Variants in POLG observed in about 807,000 individuals in gnomAD.
POLG encodes the protein DNA polymerase subunit gamma-1.
A neutral mutation model predicts 155.4 loss-of-function variants in POLG; 110 were observed. The observed-to-expected ratio is 0.71, with a 90% CI of 0.61 to 0.83. The LOEUF (loss-of-function observed/expected upper bound fraction) is 0.83, where lower values mean the gene tolerates loss of function less well. Ranked by LOEUF, POLG falls within the 40% of genes least tolerant of loss-of-function variation. POLG has a pLI of 0.00. For synonymous variants in POLG, 701 were observed against 631.5 expected, an observed-to-expected ratio of 1.11 and a Z score of -1.65; for missense variants, 1,685 against 1,627.5, an observed-to-expected ratio of 1.04 and a Z score of -0.61.
chr15:89,328,785 G>A lies in POLG; in HGVS notation c.1070C>T (p.Ala357Val), dbSNP rs749195383. The A allele has an allele frequency of 3.7e-6, 6 of 1,614,026 alleles. No individual in the cohort carries two copies. The highest frequency in any genetic ancestry group is 4.2e-6 in the Non-Finnish European group (5 of 1,179,940). Reference protein sequence around the residue: ...WLDISSVNSLAEVHRLYVGGP... With the variant: ...WLDISSVNSLVEVHRLYVGGP... ...CCCTACATAAAGTCTGTGCACCTCT[G>A]CCAGACTGTTGACACTGCTGATGTC... Residue 357 changes from alanine (A) to valine (V), a missense_variant, in exon 5 of 23, where the codon GCA (alanine) becomes GTA (valine). Around this residue, in one of 3 missense-constraint regions of POLG, gnomAD observed 1,210 missense variants for 1,167.1 expected, o/e 1.04. Coordinates refer to ENST00000268124, the MANE Select transcript of POLG (RefSeq NM_002693.3).
Position 89,333,170 on chromosome 15 carries a change from C to T in POLG, c.585G>A (p.Leu195=). The T allele has an allele frequency of 1.3e-6, 2 of 1,560,914 alleles. No individual in the cohort carries two copies. The highest frequency in any genetic ancestry group is 1.7e-6 in the Non-Finnish European group (2 of 1,151,214). The change falls in exon 2 of 23, where the codon CTG becomes CTA. Residue 195 remains leucine (L), a synonymous_variant. Coordinates refer to ENST00000268124, the MANE Select transcript of POLG (RefSeq NM_002693.3). ...CCAAGCAGACCTCCACGTCGAACAC[C>T]AGGGCCCGCTCCTCGGGGATGGCCA... ...VPVAIPEERA[L]VFDVEVCLAE...
At chr15:89,323,688 G>C (rs2055430747) in intron 12 of POLG, 127 bp downstream of exon 12, 2 of 887,758 alleles carry the variant, frequency 2.3e-6, no homozygotes, top group Non-Finnish European at 3.8e-6. Context: ...GGGCCTCCCA[G>C]GGGCAGGGTG....
intron 22 of POLG, 179 bp downstream of exon 22, chr15:89,317,197 T>G (rs1338658433): frequency 1.6e-6 from 1 of 639,940 alleles, no homozygotes; most frequent in Non-Finnish European, 2.8e-6. Flanking sequence ...CCTTCATTTC[T>G]GAAACATCAT....
At position 89,316,364 on chromosome 15, in the gene POLG, T is replaced by C. The variant is rs1297404607; in HGVS notation, c.*387A>G. 4 of 1,596,820 alleles carry C rather than the reference T, an allele frequency of 2.5e-6. No homozygotes were observed. Among genetic ancestry groups the C allele is most frequent in the African/African-American group, 1.3e-5 (1 of 74,480 alleles). On this transcript the variant is annotated 3_prime_UTR_variant, in exon 23 of 23. Coordinates refer to ENST00000268124, the MANE Select transcript of POLG (RefSeq NM_002693.3). ...TTTCCACTGCCTTGGAGCAGGTTTA[T>C]CACGTTAGAGCATTAATTCTTTCCC...
Position 89,327,289 on chromosome 15 carries a change from G to C in POLG, c.1311C>G (p.Val437=). Residue 437 remains valine, a synonymous_variant, in exon 7 of 23, where the codon GTC becomes GTG. Transcript: ENST00000268124. ...MLEMGVSYLP[V]NQNWERYLAE... ...CCAGGTAACGCTCCCAGTTCTGGTT[G>C]ACAGGCAGGTAGGAGACACCCATCT... The C allele has an allele frequency of 6.2e-7, 1 of 1,614,180 alleles. No individual in the cohort carries two copies. Among genetic ancestry groups the C allele is most frequent in the Non-Finnish European group, 8.5e-7 (1 of 1,180,046 alleles).
chr15:89,316,556 G>C lies in POLG; in HGVS notation c.*195C>G, dbSNP rs540354565. The C allele has an allele frequency of 2.3e-6, 3 of 1,325,290 alleles. No individual in the cohort carries two copies. Among genetic ancestry groups the C allele is most frequent in the East Asian group, 5.0e-5 (2 of 40,346 alleles). 82.1% of individuals were successfully genotyped at this position (1,325,290 alleles called of 1,614,324 possible). ...TGTCCTGTAGTCCACACCGATGTTG[G>C]CATCTTGGTTCTGAACCCACTGAAT... is the stretch of plus-strand genomic sequence containing the variant. On this transcript the variant is annotated 3_prime_UTR_variant, in exon 23 of 23. Transcript: ENST00000268124.
chr15:89,317,719 T>G (rs889448257), intron 21 of POLG, 183 bp from the exon 22 acceptor site: 55 of 636,818 alleles, frequency 8.6e-5, no homozygotes, highest in Non-Finnish European at 1.4e-4. Context: ...CAGCCTAACC[T>G]CCCACTGAGA....
Position 89,325,550 on chromosome 15 carries a change from G to C in POLG, c.1849C>G (p.Arg617Gly). 3 of 1,613,346 alleles carry C rather than the reference G, an allele frequency of 1.9e-6. No homozygotes were observed. Among genetic ancestry groups the C allele is most frequent in the Non-Finnish European group, 1.7e-6 (2 of 1,179,952 alleles). The change falls in exon 10 of 23, where the codon CGT becomes GGT. Residue 617 changes from arginine (R) to glycine (G), a missense_variant. Coordinates refer to ENST00000268124, the MANE Select transcript of POLG (RefSeq NM_002693.3). ...GGCACCAAGTAGCCCCAGCCATGAC[G>C]CTCTGAGTAGTGCAGAGGGAAGCCA... ...WDGFPLHYSE[R>G]HGWGYLVPGR... is the part of the protein sequence containing the mutation.
chr15:89,318,992 C>T lies in POLG; in HGVS notation c.3212G>A (p.Arg1071His), dbSNP rs774851005. ...LESIATSDIPRTPVLGCCISR... is the reference protein window; with the variant it reads ...LESIATSDIPHTPVLGCCISR... Reference sequence around the variant, plus strand: ...GATGCAGCAGCCCAGCACCGGGGTACGTGGTATGTCAGACGTAGCAATGCT... The same window carrying T: ...GATGCAGCAGCCCAGCACCGGGGTATGTGGTATGTCAGACGTAGCAATGCT... Residue 1071 changes from arginine to histidine, a missense_variant, in exon 20 of 23, where the codon CGT becomes CAT. Arg to His is a conservative substitution (Grantham distance 29). Coordinates refer to ENST00000268124, the MANE Select transcript of POLG (RefSeq NM_002693.3). 26 of 1,613,992 alleles carry T rather than the reference C, an allele frequency of 1.6e-5. No homozygotes were observed. The highest frequency in any genetic ancestry group is 7.7e-5 in the South Asian group (7 of 91,082).
At position 89,321,716 on chromosome 15, in the gene POLG, G is replaced by C. The variant is rs757146007; in HGVS notation, c.2598+20C>G. On this transcript the variant is annotated intron_variant, in intron 16 of 22. Transcript: ENST00000268124. ...CCTGGGAGAGGAAGAGCAGGGGCCA[G>C]AGGTACAGAGGTCACATACCCGGGC... is the stretch of plus-strand genomic sequence containing the variant. The C allele has an allele frequency of 4.5e-6, 7 of 1,547,678 alleles. No individual in the cohort carries two copies. Among genetic ancestry groups the C allele is most frequent in the African/African-American group, 4.1e-5 (3 of 73,680 alleles).
chr15:89,333,819 T>C lies in POLG; in HGVS notation c.-65A>G. On this transcript the variant is annotated 5_prime_UTR_variant, in exon 2 of 23. Transcript: ENST00000268124. ...TGGCTTTGGGCTCCAGCTTGGCTTCTTTTACTGGCTGGAAGACGTGGAGAG... is the reference window on the plus strand; with the variant it reads ...TGGCTTTGGGCTCCAGCTTGGCTTCCTTTACTGGCTGGAAGACGTGGAGAG... 6.6e-7 allele frequency: 1 copy of C among 1,519,604 alleles called. No homozygotes were observed. Among genetic ancestry groups the C allele is most frequent in the Admixed American group, 2.0e-5 (1 of 50,880 alleles). The allele number at this position is 1,519,604 out of a possible 1,614,324, so 94.1% of individuals were successfully genotyped here.
chr15:89,326,604 G>A lies in POLG; in HGVS notation c.1712+8C>T. On this transcript the variant is annotated splice_region_variant and intron_variant, in intron 9 of 22. Coordinates refer to ENST00000268124, the MANE Select transcript of POLG (RefSeq NM_002693.3). ...CTAGATACACTGCTGGGGGTGGGCAGGGCTCACCCAGGGTGTCCAGGAAGG... is the reference window on the plus strand; with the variant it reads ...CTAGATACACTGCTGGGGGTGGGCAAGGCTCACCCAGGGTGTCCAGGAAGG... 1 of 1,613,156 alleles carries A rather than the reference G, an allele frequency of 6.2e-7. No individual in the cohort carries two copies. Among genetic ancestry groups the A allele is most frequent in the Non-Finnish European group, 8.5e-7 (1 of 1,179,908 alleles).
At position 89,328,427 on chromosome 15, in the gene POLG, CAG is replaced by C. The variant is rs776623760; in HGVS notation, c.1250+27_1250+28del. 6.3e-4 allele frequency: 998 copies of C among 1,581,698 alleles called. 1 individual carries two copies. The highest frequency in any genetic ancestry group is 7.1e-4 in the Non-Finnish European group (822 of 1,152,484). ...CGGGTACCAGGAACACACTGACCCCCAGAGATTCCCACATGGGCTCCCCCTCA... is the reference window on the plus strand; with the variant it reads ...CGGGTACCAGGAACACACTGACCCCCAGATTCCCACATGGGCTCCCCCTCA... On this transcript the variant is annotated intron_variant, in intron 6 of 22. Transcript: ENST00000268124.
chr15:89,316,443 A>G lies in POLG; in HGVS notation c.*308T>C, dbSNP rs1402252175. On this transcript the variant is annotated 3_prime_UTR_variant, in exon 23 of 23. Coordinates refer to ENST00000268124, the MANE Select transcript of POLG (RefSeq NM_002693.3). Reference sequence around the variant, plus strand: ...GGACAGAACAAAGAACCAGCCAAGAAGAAAAGGAAAAAATAAATGAAATGC... The same window carrying G: ...GGACAGAACAAAGAACCAGCCAAGAGGAAAAGGAAAAAATAAATGAAATGC... 71 of 1,611,342 alleles carry G rather than the reference A, an allele frequency of 4.4e-5. No homozygotes were observed. The highest frequency in any genetic ancestry group is 5.9e-5 in the Non-Finnish European group (69 of 1,178,296).
rs548076633 is a variant in POLG at position 89,318,553 on chromosome 15, T to C, written c.3470A>G (p.Asn1157Ser). Residue 1157 changes from asparagine (N) to serine (S), a missense_variant, in exon 21 of 23, where the codon AAC (asparagine) becomes AGC (serine). Coordinates refer to ENST00000268124, the MANE Select transcript of POLG (RefSeq NM_002693.3). ...YRAALALQIT[N>S]LLTRCMFAYK... ...GGGCCCCGCATACCTGGTCAAGAGGTTGGTGATCTGCAAGGCCAGGGCAGC... is the reference window on the plus strand; with the variant it reads ...GGGCCCCGCATACCTGGTCAAGAGGCTGGTGATCTGCAAGGCCAGGGCAGC... 20 of 1,613,224 alleles carry C rather than the reference T, an allele frequency of 1.2e-5. No homozygotes were observed. In the South Asian group the frequency reaches 1.3e-4, roughly 11 times the overall value.
chr15:89,327,142 T>A (rs1366934518), intron 7 of POLG, 25 bp downstream of exon 7: 2 of 1,614,090 alleles, frequency 1.2e-6, no homozygotes, highest in African/African-American at 1.3e-5. Context: ...CCTGCCTAGA[T>A]CCTGCCCACC....
Position 89,323,431 on chromosome 15 carries a change from G to A in POLG, c.2238C>T (p.Gly746=), listed in dbSNP as rs1455947188. 4 of 1,613,422 alleles carry A rather than the reference G, an allele frequency of 2.5e-6. No individual in the cohort carries two copies. In the South Asian group the frequency reaches 3.3e-5, roughly 13 times the overall value. ...NGPYNDVDIP[G]CWFFKLPHKD... is the part of the protein sequence containing the mutation. ...TGTGAGGCAGCTTGAAAAACCAGCA[G>A]CCAGGGATGTCCACGTCGTTGTAAG... Residue 746 remains glycine (G), a synonymous_variant, in exon 13 of 23, where the codon GGC becomes GGT. Coordinates refer to ENST00000268124, the MANE Select transcript of POLG (RefSeq NM_002693.3).
In POLG at chr15:89,326,905, T is replaced by C. The variant is rs777537423; in HGVS notation, c.1585+7A>G. On this transcript the variant is annotated splice_region_variant and intron_variant, in intron 8 of 22. Transcript: ENST00000268124. ...ACCCTACCCTACCTCCCACCCATGC[T>C]CCCCACCTTCCTGATCCATGGGATC... 6.2e-7 allele frequency: 1 copy of C among 1,613,850 alleles called. No homozygotes were observed. Among genetic ancestry groups the C allele is most frequent in the Admixed American group, 1.7e-5 (1 of 60,016 alleles).
intron 9 of POLG, among the ~76,000 whole-genome samples, chr15:89,326,288 AG>A (rs2055515986): frequency 6.6e-6 from 1 of 152,200 alleles, no homozygotes; most frequent in Admixed American, 6.5e-5. Flanking sequence ...TATGGACACT[AG>A]CTGCACTGGC....
Sources: gnomAD v4.1 joint callset for allele counts (sites outside exome capture counted in the v4.1 genomes callset) on GRCh38, gnomAD v4.1.1 for gene constraint, gnomAD v4.1.1 regional missense constraint, MANE v1.5 for transcripts, NCBI Gene and HGNC (gene_info 2026-07-23, HGNC 2026-07-21) for gene names.